ANKEF1: variants seen among roughly 807,000 people sequenced by gnomAD.
ANKEF1 encodes the protein ankyrin repeat and EF-hand domain-containing protein 1.
ANKEF1 carries 43 observed loss-of-function variants against 65.1 expected under a neutral mutation model. The observed-to-expected ratio is 0.66, with a 90% CI of 0.52 to 0.85. ANKEF1 has a LOEUF of 0.85. Among genes scored for constraint, ANKEF1 ranks in the 40% least tolerant of loss-of-function variants. ANKEF1 has a pLI of 0.00. For synonymous variants in ANKEF1, 316 were observed against 341.5 expected (o/e 0.93, Z 0.82); for missense variants, 934 against 952.9 (o/e 0.98, Z 0.26).
Position 10,045,586 on chromosome 20 carries a change from C to T in ANKEF1, c.709C>T (p.Leu237Phe). The change falls in exon 6 of 11, where the codon CTT becomes TTT. Residue 237 changes from leucine to phenylalanine, a missense_variant. By Grantham distance (22) the Leu-to-Phe change is conservative. Coordinates refer to ENST00000378392, the MANE Select transcript of ANKEF1 (RefSeq NM_022096.6). Reference sequence around the variant, plus strand: ...ATTTATTTTACAGATATTGAAGCTTCTTTTTGCCTACAATGGAGACGTGGG... The same window carrying T: ...ATTTATTTTACAGATATTGAAGCTTTTTTTTGCCTACAATGGAGACGTGGG... Reference protein sequence around the residue: ...KGGFFDILKLLFAYNGDVGLI... With the variant: ...KGGFFDILKLFFAYNGDVGLI... 1 of 1,613,576 alleles carries T rather than the reference C, an allele frequency of 6.2e-7. No homozygotes were observed.
intron 2 of ANKEF1, among the ~76,000 whole-genome samples, chr20:10,036,805 ACACTC>A (rs1375906804): frequency 3.9e-5 from 6 of 152,022 alleles, no homozygotes; most frequent in African/African-American, 1.5e-4. Context: ...TTGTGCCACT[ACACTC>A]CAGCCTGGGT....
In ANKEF1 at chr20:10,057,558, T is replaced by C. The variant is rs1187326735; in HGVS notation, c.*1898T>C. On this transcript the variant is annotated 3_prime_UTR_variant, in exon 11 of 11. Transcript: ENST00000378392. The stretch of plus-strand genomic sequence containing the variant: ...TACATATATGCATATGTATGTTTAA[T>C]TTTTGTCCCCGAACTATCTGTGTGT... 6.6e-6 allele frequency: 1 copy of C among 152,192 alleles called. No homozygotes were observed. Among genetic ancestry groups the C allele is most frequent in the Non-Finnish European group, 1.5e-5 (1 of 68,010 alleles). 9.4% of individuals were successfully genotyped at this position (152,192 alleles called of 1,614,324 possible).
chr20:10,036,612 C>T (rs186665252), intron 2 of ANKEF1, among the ~76,000 whole-genome samples: 7 of 152,214 alleles, frequency 4.6e-5, no homozygotes, highest in East Asian at 3.9e-4. Context: ...GAGGCTGAGG[C>T]GGGTGGATCA....
chr20:10,050,135 T>C lies in ANKEF1; in HGVS notation c.1566T>C (p.Asp522=), dbSNP rs564729872. 5.3e-5 allele frequency: 85 copies of C among 1,614,166 alleles called. 4 individuals carry two copies. In the South Asian group the frequency reaches 9.0e-4, roughly 17 times the overall value. The change falls in exon 7 of 11, where the codon GAT becomes GAC. Residue 522 remains aspartate (D), a synonymous_variant. Coordinates refer to ENST00000378392, the MANE Select transcript of ANKEF1 (RefSeq NM_022096.6). ...FESGIPVDMK[D]NYYKTPLMTA... is the part of the protein sequence containing the mutation. ...CAGGAATACCTGTGGATATGAAGGA[T>C]AATTATTACAAAACTCCGCTAATGA...
rs897067600 is a variant in ANKEF1, at chr20:10,043,334, T to C, written c.546+13T>C. On this transcript the variant is annotated intron_variant, in intron 4 of 10. Transcript: ENST00000378392. Reference sequence around the variant, plus strand: ...TGCAATCAACTCAGTATGGCTATTCTTGTGATTACAAATATTTCTTGTTTC... The same window carrying C: ...TGCAATCAACTCAGTATGGCTATTCCTGTGATTACAAATATTTCTTGTTTC... 1 of 1,610,630 alleles carries C rather than the reference T, an allele frequency of 6.2e-7. No individual in the cohort carries two copies. Among genetic ancestry groups the C allele is most frequent in the Non-Finnish European group, 8.5e-7 (1 of 1,177,524 alleles).
In ANKEF1 at chr20:10,049,480, G is replaced by A. The variant is rs772229318; in HGVS notation, c.911G>A (p.Arg304His). 13 of 1,613,984 alleles carry A rather than the reference G, an allele frequency of 8.1e-6. No individual in the cohort carries two copies. Among genetic ancestry groups the A allele is most frequent in the Admixed American group, 5.0e-5 (3 of 59,978 alleles). The change falls in exon 7 of 11, where the codon CGC (arginine) becomes CAC (histidine). Residue 304 changes from arginine (R) to histidine (H), a missense_variant. Arg to His is a conservative substitution (Grantham distance 29). Coordinates refer to ENST00000378392, the MANE Select transcript of ANKEF1 (RefSeq NM_022096.6). The part of the protein sequence containing the change: ...GGFKAASKEI[R>H]RAERIANKLA... ...TTCAAAGCAGCAAGCAAAGAAATAC[G>A]CCGAGCAGAGAGAATCGCTAATAAA...
At chr20:10,047,654 G>A (rs6118867) in intron 6 of ANKEF1, among the ~76,000 whole-genome samples, 4 of 152,148 alleles carry the variant, frequency 2.6e-5, no homozygotes, top group Admixed American at 1.3e-4. Flanking sequence ...AGAGGAGCTC[G>A]TGGAGTCCTC....
chr20:10,049,769 ATAT>A lies in ANKEF1; in HGVS notation c.1202_1204del (p.Tyr401del). On this transcript the variant is annotated inframe_deletion, in exon 7 of 11. Transcript: ENST00000378392. ...TTAATGAATTCTTTAAAGGAACCAGATATTTAAACAAGTCTTTTGTCTTAGGAT... is the reference window on the plus strand; with the variant it reads ...TTAATGAATTCTTTAAAGGAACCAGATTAAACAAGTCTTTTGTCTTAGGAT... The A allele has an allele frequency of 6.2e-7, 1 of 1,614,124 alleles. No individual in the cohort carries two copies. The highest frequency in any genetic ancestry group is 8.5e-7 in the Non-Finnish European group (1 of 1,180,014).
chr20:10,043,371 A>G (rs1346496029), intron 4 of ANKEF1, 50 bp downstream of exon 4: 3 of 1,526,320 alleles, frequency 2.0e-6, no homozygotes, highest in Admixed American at 1.7e-5. Flanking sequence ...ATTACAGCAT[A>G]GTATAATCTT....
chr20:10,050,236 C>A, intron 7 of ANKEF1, 24 bp downstream of exon 7: 1 of 1,544,848 alleles, frequency 6.5e-7, no homozygotes, highest in South Asian at 1.2e-5. Context: ...TCGGGTGTGG[C>A]CTAAATTTTC....
rs563813876 is a variant in ANKEF1 at position 10,050,269 on chromosome 20, A to G, written c.1643+57A>G. On this transcript the variant is annotated intron_variant, in intron 7 of 10. Coordinates refer to ENST00000378392, the MANE Select transcript of ANKEF1 (RefSeq NM_022096.6). ...TTCACGAGTCTTCACATTTCAAGGA[A>G]GTGAAAAGATGACCGAATTTTAGTA... 6 of 1,418,330 alleles carry G rather than the reference A, an allele frequency of 4.2e-6. No individual in the cohort carries two copies. In the East Asian group the frequency reaches 1.2e-4, roughly 27 times the overall value. 87.9% of individuals were successfully genotyped at this position (1,418,330 alleles called of 1,614,324 possible). A position where few individuals can be genotyped will look rare whatever the true frequency, so the allele number is the denominator to read the frequency against.
chr20:10,056,496 TGATAGATAGATA>T lies in ANKEF1; in HGVS notation c.*867_*878del, dbSNP rs59202797. On this transcript the variant is annotated 3_prime_UTR_variant, in exon 11 of 11. Transcript: ENST00000378392. ...GATAGATGATAGATAGATAGATAGA[TGATAGATAGATA>T]GATAGATAGATAGATAGATAGATAG... is the stretch of plus-strand genomic sequence containing the variant. The T allele has an allele frequency of 4.9e-5, 7 of 143,714 alleles. No homozygotes were observed. Among genetic ancestry groups the T allele is most frequent in the East Asian group, 2.1e-4 (1 of 4,774 alleles). 8.9% of individuals were successfully genotyped at this position (143,714 alleles called of 1,614,324 possible).
chr20:10,041,521 T>A (rs1984192599), intron 3 of ANKEF1, among the ~76,000 whole-genome samples: 1 of 152,162 alleles, frequency 6.6e-6, no homozygotes, highest in African/African-American at 2.4e-5. Flanking sequence ...TACTTAGTTC[T>A]TTCAATGATT....
At position 10,039,659 on chromosome 20, in the gene ANKEF1, C is replaced by T. The variant is rs574478663; in HGVS notation, c.346+1012C>T. Among the ~76,000 whole-genome samples the T allele has an allele frequency of 1.1e-4, 17 of 152,308 alleles. No homozygotes were observed. The South Asian group carries it at 2.9e-3, about 26-fold the overall frequency. ...AAATCCTGAAAAAACGGTATCCTCT[C>T]AAAGCTCTATAGTATACCATTTCCC... is the stretch of plus-strand genomic sequence containing the variant. On this transcript the variant is annotated intron_variant, in intron 3 of 10. Transcript: ENST00000378392.
chr20:10,049,335 A>G (rs1434058193), intron 6 of ANKEF1, 55 bp from the exon 7 acceptor site: 5 of 1,477,252 alleles, frequency 3.4e-6, no homozygotes, highest in African/African-American at 1.4e-5. Flanking sequence ...AGTGTCACTT[A>G]TAGCCATGCA....
At chr20:10,053,975 G>A (rs940680242) in intron 9 of ANKEF1, among the ~76,000 whole-genome samples, 1 of 152,150 alleles carries the variant, frequency 6.6e-6, no homozygotes, top group African/African-American at 2.4e-5. Flanking sequence ...TCTTAAGGGA[G>A]CAGAATATCT....
At position 10,053,293 on chromosome 20, in the gene ANKEF1, C is replaced by T. The variant is rs1984973504; in HGVS notation, c.2034+18C>T. On this transcript the variant is annotated intron_variant, in intron 9 of 10. Transcript: ENST00000378392. ...AAGAAGAGGTAAGAAAAATGGTTGA[C>T]TACCCATTAGTAACTGGAACTCTTT... The T allele has an allele frequency of 6.3e-7, 1 of 1,580,324 alleles. No individual in the cohort carries two copies. The highest frequency in any genetic ancestry group is 8.5e-7 in the Non-Finnish European group (1 of 1,169,680).
chr20:10,041,850 T>C (rs1984212207), intron 3 of ANKEF1, among the ~76,000 whole-genome samples: 2 of 152,342 alleles, frequency 1.3e-5, no homozygotes, highest in South Asian at 4.1e-4. Context: ...GTCACTTCTT[T>C]GGGCTTGTAT....
At chr20:10,035,995 T>A (rs766153817) in intron 2 of ANKEF1, among the ~76,000 whole-genome samples, 20 of 152,220 alleles carry the variant, frequency 1.3e-4, no homozygotes, top group Admixed American at 8.5e-4. Context: ...TGTGCTTGTA[T>A]GTGGAGGATC....
Sources: gnomAD v4.1 joint callset for allele counts (sites outside exome capture counted in the v4.1 genomes callset) on GRCh38, gnomAD v4.1.1 for gene constraint, MANE v1.5 for transcripts, NCBI Gene and HGNC (gene_info 2026-07-23, HGNC 2026-07-21) for gene names.